Variants in CCDC18 observed in about 807,000 individuals in gnomAD.
The protein encoded by CCDC18 is coiled-coil domain containing 18.
CCDC18 carries 157 observed loss-of-function variants against 196.0 expected under a neutral mutation model. The observed-to-expected ratio is 0.80, with a 90% confidence interval of 0.70 to 0.91. The LOEUF (loss-of-function observed/expected upper bound fraction) is 0.91. CCDC18 is among the 40% of genes least tolerant of loss of function. The pLI, the probability that CCDC18 is intolerant of heterozygous loss-of-function variation, is 0.00. For missense variants in CCDC18, 1,465 were observed against 1,611.6 expected (o/e 0.91, Z 1.56); for synonymous variants, 482 against 529.2 (o/e 0.91, Z 1.22).
intron 1 of CCDC18, among the ~76,000 whole-genome samples, chr1:93,181,094 A>C (rs1165132113): frequency 7.0e-6 from 1 of 143,716 alleles, no homozygotes; most frequent in Non-Finnish European, 1.5e-5. Context: ...AGGCGGAAGG[A>C]TTGCTTGAGC....
rs765158128 is a variant in CCDC18 at position 93,184,008 on chromosome 1, C to G, written c.165C>G (p.Ala55=). The G allele has an allele frequency of 1.3e-6, 2 of 1,560,784 alleles. No homozygotes were observed. The highest frequency in any genetic ancestry group is 1.7e-6 in the Non-Finnish European group (2 of 1,148,420). ...SVSPSENSDY[A]PNPSRSEKLI... ...GTCCAAGTGAAAATTCTGATTATGCCCCTAATCCTTCAAGGTCTGAAAAGC... is the reference window on the plus strand; with the variant it reads ...GTCCAAGTGAAAATTCTGATTATGCGCCTAATCCTTCAAGGTCTGAAAAGC... Residue 55 remains alanine (A), a synonymous_variant, in exon 3 of 29, where the codon GCC becomes GCG. Transcript: ENST00000690025.
At chr1:93,207,028 TA>T in intron 8 of CCDC18, 78 bp from the exon 9 acceptor site, 2 of 832,742 alleles carry the variant, frequency 2.4e-6, no homozygotes, top group Non-Finnish European at 3.5e-6. Flanking sequence ...CAAAAAATTT[TA>T]AAAGTGAGAT....
At chr1:93,241,996 T>C (rs866526782) in intron 21 of CCDC18, among the ~76,000 whole-genome samples, 1 of 152,172 alleles carries the variant, frequency 6.6e-6, no homozygotes, top group Non-Finnish European at 1.5e-5. Context: ...ACTTTAGCCT[T>C]CCTCAGTAAG....
At chr1:93,265,387 T>C (rs905415463) in intron 27 of CCDC18, among the ~76,000 whole-genome samples, 4 of 152,216 alleles carry the variant, frequency 2.6e-5, no homozygotes, top group African/African-American at 9.7e-5. Context: ...TCTTTGAGTC[T>C]TAAGAAAAAG....
In CCDC18 at chr1:93,236,522, T is replaced by G; in HGVS notation, c.2603+132T>G. On this transcript the variant is annotated intron_variant, in intron 19 of 28. Coordinates refer to ENST00000690025, the MANE Select transcript of CCDC18 (RefSeq NM_001378204.1). ...CTCCATAGTCTGTGTTCCTATTGCA[T>G]TTTGTTTGTATTTCCTTCATATCTC... The G allele has an allele frequency of 4.8e-6, 4 of 841,212 alleles. No homozygotes were observed. The South Asian group carries it at 8.1e-5, about 17-fold the overall frequency. The allele number at this position is 841,212 out of a possible 1,614,324, so 52.1% of individuals were successfully genotyped here. A position where few individuals can be genotyped will look rare whatever the true frequency, so the allele number is the denominator to read the frequency against.
chr1:93,200,891 T>C (rs1653716374), intron 6 of CCDC18, among the ~76,000 whole-genome samples: 1 of 152,220 alleles, frequency 6.6e-6, no homozygotes, highest in African/African-American at 2.4e-5. Flanking sequence ...TTTTTGTTTG[T>C]TTAAGTGAGA....
At chr1:93,252,389 C>T (rs1022801434) in intron 23 of CCDC18, among the ~76,000 whole-genome samples, 1 of 152,078 alleles carries the variant, frequency 6.6e-6, no homozygotes, top group Non-Finnish European at 1.5e-5. Context: ...TTCTATTTGA[C>T]CCATTCTGCT....
chr1:93,180,169 GC>G (rs1649279549), upstream of CCDC18: 1 of 1,613,090 alleles, frequency 6.2e-7, no homozygotes. Flanking sequence ...GAAGCCGGCC[GC>G]CCCAGGCAGC....
At chr1:93,267,933 A>G (rs770437522) in intron 27 of CCDC18, among the ~76,000 whole-genome samples, 3 of 152,208 alleles carry the variant, frequency 2.0e-5, no homozygotes, top group Non-Finnish European at 4.4e-5. Flanking sequence ...CTGGAAAACA[A>G]CTACCTTAAA....
rs375392666 is a variant in CCDC18, at chr1:93,216,622, C to T, written c.1720-14C>T. The T allele has an allele frequency of 1.6e-6, 2 of 1,261,910 alleles. No individual in the cohort carries two copies. The highest frequency in any genetic ancestry group is 1.1e-6 in the Non-Finnish European group (1 of 895,332). 78.2% of individuals were successfully genotyped at this position (1,261,910 alleles called of 1,614,324 possible). On this transcript the variant is annotated splice_polypyrimidine_tract_variant and intron_variant, in intron 12 of 28. Coordinates refer to ENST00000690025, the MANE Select transcript of CCDC18 (RefSeq NM_001378204.1). ...TTAAAAAATAATTTTACATTTATTT[C>T]AATGTGTTTTCAGATGACAAAGAAA...
chr1:93,252,038 T>TATCTATCTATCTATCA (rs1385984729), intron 23 of CCDC18, among the ~76,000 whole-genome samples: 2 of 151,942 alleles, frequency 1.3e-5, no homozygotes, highest in African/African-American at 4.8e-5. Flanking sequence ...TCTATCTATC[T>TATCTATCTATCTATCA]ATCAAACTAA....
At chr1:93,256,591 A>AT (rs368996549) in intron 25 of CCDC18, 53 bp downstream of exon 25, 92 of 1,426,444 alleles carry the variant, frequency 6.4e-5, no homozygotes, top group East Asian at 2.6e-4. Context: ...AAATATTAGC[A>AT]TTTTTTTTGA....
chr1:93,206,988 G>A, intron 8 of CCDC18, 119 bp from the exon 9 acceptor site: 1 of 562,418 alleles, frequency 1.8e-6, no homozygotes, highest in South Asian at 3.2e-5. Flanking sequence ...TTTAGTAAAT[G>A]TGAGCAGGTA....
intron 28 of CCDC18, among the ~76,000 whole-genome samples, chr1:93,274,154 C>T (rs1052343563): frequency 1.3e-5 from 2 of 152,158 alleles, no homozygotes; most frequent in Non-Finnish European, 2.9e-5. Context: ...CCTGTAATCC[C>T]AGCACTTTGG....
In CCDC18 at chr1:93,189,951, G is replaced by A. The variant is rs116870940; in HGVS notation, c.463-2049G>A. On this transcript the variant is annotated intron_variant, in intron 4 of 28. Coordinates refer to ENST00000690025, the MANE Select transcript of CCDC18 (RefSeq NM_001378204.1). ...GCTGGGATGACAGGATTGAGCTACCGCGCCTGGCCCTGTGATTTTTATTTA... is the reference window on the plus strand; with the variant it reads ...GCTGGGATGACAGGATTGAGCTACCACGCCTGGCCCTGTGATTTTTATTTA... Among the ~76,000 whole-genome samples the A allele has an allele frequency of 2.7e-4, 41 of 152,250 alleles. No homozygotes were observed. In the East Asian group the frequency reaches 6.9e-3, roughly 26 times the overall value.
intron 7 of CCDC18, among the ~76,000 whole-genome samples, chr1:93,202,887 G>A (rs1396205713): frequency 6.6e-6 from 1 of 152,222 alleles, no homozygotes; most frequent in South Asian, 2.1e-4. Flanking sequence ...GTGGTAGGGT[G>A]GGTGAAGGTG....
At chr1:93,191,429 C>A (rs1651783512) in intron 4 of CCDC18, among the ~76,000 whole-genome samples, 1 of 152,072 alleles carries the variant, frequency 6.6e-6, no homozygotes, top group Admixed American at 6.5e-5. Flanking sequence ...TCACTTCTGC[C>A]CTCTACAGTA....
chr1:93,241,156 C>T (rs565919), intron 21 of CCDC18, among the ~76,000 whole-genome samples: 76,379 of 151,266 alleles, frequency 0.5, 22,896 homozygotes, highest in African/African-American at 0.85. Context: ...GGTTTCACCA[C>T]GTTGGCCAGA....
chr1:93,188,028 A>G (rs1384960341), intron 4 of CCDC18, among the ~76,000 whole-genome samples: 1 of 152,244 alleles, frequency 6.6e-6, no homozygotes. Context: ...AGACATAAAG[A>G]TAATTTAATA....
Sources: allele counts gnomAD v4.1 joint callset (sites outside exome capture counted in the v4.1 genomes callset), GRCh38; gene constraint gnomAD v4.1.1; transcripts MANE v1.5; gene names NCBI Gene and HGNC (gene_info 2026-07-23, HGNC 2026-07-21).